Variants in LLPH observed in about 807,000 individuals in gnomAD.
The protein encoded by LLPH is LLP homolog, long-term synaptic facilitation factor.
In LLPH, 5 loss-of-function variants were observed where a neutral mutation model predicts 13.3. The observed-to-expected ratio is 0.38, with a 90% CI of 0.20 to 0.79. LLPH has a LOEUF of 0.79. LLPH is among the 30% of genes least tolerant of loss of function. LLPH has a pLI of 0.45. For missense variants in LLPH, 129 were observed against 152.1 expected (o/e 0.85, Z 0.80); for synonymous variants, 32 against 44.2 (o/e 0.72, Z 1.09).
rs774582065 is a variant in LLPH, at chr12:66,124,040, CTAT to C, written c.212-25_212-23del. 9.1e-6 allele frequency: 14 copies of C among 1,544,248 alleles called. No homozygotes were observed. The East Asian group carries it at 2.9e-4, about 32-fold the overall frequency. Reference sequence around the variant, plus strand: ...TCATCTGCATAAAAAGATGGAAAAACTATTAACACCATGTATGAAAAAAACCAC... The same window carrying C: ...TCATCTGCATAAAAAGATGGAAAAACTAACACCATGTATGAAAAAAACCAC... On this transcript the variant is annotated intron_variant, in intron 2 of 2. Coordinates refer to ENST00000266604, the MANE Select transcript of LLPH (RefSeq NM_032338.4).
In LLPH at chr12:66,118,345, A is replaced by G. The variant is rs1402544538; in HGVS notation, c.*5495T>C. 1 of 147,216 alleles carries G rather than the reference A, an allele frequency of 6.8e-6. No homozygotes were observed. Among genetic ancestry groups the G allele is most frequent in the Non-Finnish European group, 1.5e-5 (1 of 67,708 alleles). 9.1% of individuals were successfully genotyped at this position (147,216 alleles called of 1,614,324 possible). On this transcript the variant is annotated 3_prime_UTR_variant, in exon 3 of 3. Coordinates refer to ENST00000266604, the MANE Select transcript of LLPH (RefSeq NM_032338.4). Reference sequence around the variant, plus strand: ...GCCATTGTACTCCAGCCTGGGCAACAAGAGTGAAACTCCGTCTCAAAAAAA... The same window carrying G: ...GCCATTGTACTCCAGCCTGGGCAACGAGAGTGAAACTCCGTCTCAAAAAAA...
chr12:66,124,984 G>C (rs2051487276), intron 2 of LLPH, among the ~76,000 whole-genome samples: 1 of 152,148 alleles, frequency 6.6e-6, no homozygotes, highest in Non-Finnish European at 1.5e-5. Context: ...TTTGAGGCCA[G>C]GAGTTCAAGG....
rs2051469608 is a variant in LLPH at position 66,122,541 on chromosome 12, T to G, written c.*1299A>C. 1 of 152,226 alleles carries G rather than the reference T, an allele frequency of 6.6e-6. No individual in the cohort carries two copies. Among genetic ancestry groups the G allele is most frequent in the Non-Finnish European group, 1.5e-5 (1 of 68,038 alleles). 9.4% of individuals were successfully genotyped at this position (152,226 alleles called of 1,614,324 possible). On this transcript the variant is annotated 3_prime_UTR_variant, in exon 3 of 3. Transcript: ENST00000266604. ...TATGAGATGGTTAATCTGATTATAG[T>G]GAAATTCAGAGGGAATGCTAAGTTT...
chr12:66,126,242 C>T (rs1387776386), intron 2 of LLPH, among the ~76,000 whole-genome samples: 5 of 150,034 alleles, frequency 3.3e-5, no homozygotes, highest in East Asian at 2.0e-4. Flanking sequence ...GAGAATGGCG[C>T]GAACCCGGGA....
chr12:66,125,295 A>C (rs1592524957), intron 2 of LLPH, among the ~76,000 whole-genome samples: 1 of 152,332 alleles, frequency 6.6e-6, no homozygotes, highest in African/African-American at 2.4e-5. Flanking sequence ...GCAGGAAAAA[A>C]ATGGATACAG....
chr12:66,118,343 A>G lies in LLPH; in HGVS notation c.*5497T>C, dbSNP rs896798156. On this transcript the variant is annotated 3_prime_UTR_variant, in exon 3 of 3. Transcript: ENST00000266604. The stretch of plus-strand genomic sequence containing the variant: ...GCGCCATTGTACTCCAGCCTGGGCA[A>G]CAAGAGTGAAACTCCGTCTCAAAAA... 1.3e-5 allele frequency: 2 copies of G among 148,626 alleles called. No homozygotes were observed. The highest frequency in any genetic ancestry group is 5.1e-5 in the African/African-American group (2 of 39,458). 9.2% of individuals were successfully genotyped at this position (148,626 alleles called of 1,614,324 possible). A position where few individuals can be genotyped will look rare whatever the true frequency, so the allele number is the denominator to read the frequency against.
In LLPH at chr12:66,124,173, T is replaced by C. The variant is rs11837458; in HGVS notation, c.212-155A>G. 3.4e-3 allele frequency among the ~76,000 whole-genome samples: 514 copies of C among 152,372 alleles called. 1 individual carries two copies. The highest frequency in any genetic ancestry group is 0.012 in the African/African-American group (500 of 41,592). ...TTTATAAAGAATGTTGGCATGACTGTCCTTCCTTAGAATAGTAATGTTAAA... is the reference window on the plus strand; with the variant it reads ...TTTATAAAGAATGTTGGCATGACTGCCCTTCCTTAGAATAGTAATGTTAAA... On this transcript the variant is annotated intron_variant, in intron 2 of 2. Transcript: ENST00000266604.
chr12:66,129,196 A>G (rs2051517586), intron 1 of LLPH, 83 bp from the exon 2 acceptor site: 1 of 873,396 alleles, frequency 1.1e-6, no homozygotes, highest in Non-Finnish European at 1.8e-6. Context: ...AACCAGGCCA[A>G]CAGGTATCTC....
At chr12:66,124,111 G>C (rs2051481758) in intron 2 of LLPH, 93 bp from the exon 3 acceptor site, 3 of 799,310 alleles carry the variant, frequency 3.8e-6, no homozygotes, top group Non-Finnish European at 3.9e-6. Flanking sequence ...CAGAACATTA[G>C]AACTGAAGGT....
In LLPH at chr12:66,126,525, G is replaced by T. The variant is rs193125689; in HGVS notation, c.211+2371C>A. On this transcript the variant is annotated intron_variant, in intron 2 of 2. Coordinates refer to ENST00000266604, the MANE Select transcript of LLPH (RefSeq NM_032338.4). ...GCATCTGGTATCTAGAACATATAAA[G>T]AACTCTTAACAACCCGATAATAAAA... Among the ~76,000 whole-genome samples, 46 of 152,056 alleles carry T rather than the reference G, an allele frequency of 3.0e-4. No homozygotes were observed. The South Asian group carries it at 5.4e-3, about 18-fold the overall frequency.
intron 2 of LLPH, 46 bp downstream of exon 2, chr12:66,128,848 CAA>C (rs71096072): frequency 0.078 from 73,498 of 940,288 alleles, 6 homozygotes; most frequent in South Asian, 0.087. Flanking sequence ...GACCCTGCCT[CAA>C]AAAAAAAAAA....
At position 66,121,179 on chromosome 12, in the gene LLPH, T is replaced by A. The variant is rs986231899; in HGVS notation, c.*2661A>T. ...ATCAACAGAATCAAATTAGAGGTTA[T>A]CAGCCACAGAAAACATGAACATAAC... On this transcript the variant is annotated 3_prime_UTR_variant, in exon 3 of 3. Coordinates refer to ENST00000266604, the MANE Select transcript of LLPH (RefSeq NM_032338.4). 1 of 151,856 alleles carries A rather than the reference T, an allele frequency of 6.6e-6. No homozygotes were observed. Among genetic ancestry groups the A allele is most frequent in the South Asian group, 2.1e-4 (1 of 4,812 alleles). 9.4% of individuals were successfully genotyped at this position (151,856 alleles called of 1,614,324 possible).
At chr12:66,125,565 A>T (rs1295600083) in intron 2 of LLPH, among the ~76,000 whole-genome samples, 1 of 152,196 alleles carries the variant, frequency 6.6e-6, no homozygotes, top group Non-Finnish European at 1.5e-5. Context: ...TCTAAGAATA[A>T]GGGCATCCAG....
At chr12:66,130,156 G>C (rs979480693) in intron 1 of LLPH, among the ~76,000 whole-genome samples, 7 of 152,024 alleles carry the variant, frequency 4.6e-5, no homozygotes, top group Admixed American at 3.3e-4. Flanking sequence ...CTCAAGGCTT[G>C]CTCCTTCATT....
At chr12:66,124,126 C>A (rs964061607) in intron 2 of LLPH, 108 bp from the exon 3 acceptor site, 8 of 667,838 alleles carry the variant, frequency 1.2e-5, no homozygotes, top group South Asian at 4.7e-5. Flanking sequence ...GAAGGTAGAC[C>A]GAAAATAGAG....
Position 66,120,040 on chromosome 12 carries a change from T to G in LLPH, c.*3800A>C, listed in dbSNP as rs960514771. On this transcript the variant is annotated 3_prime_UTR_variant, in exon 3 of 3. Coordinates refer to ENST00000266604, the MANE Select transcript of LLPH (RefSeq NM_032338.4). ...CCACTACTTGATTCTACCTTAGAGCTTCAACTGCAGTTTGCATTTCTTCTC... is the reference window on the plus strand; with the variant it reads ...CCACTACTTGATTCTACCTTAGAGCGTCAACTGCAGTTTGCATTTCTTCTC... 2 of 152,222 alleles carry G rather than the reference T, an allele frequency of 1.3e-5. No individual in the cohort carries two copies. Among genetic ancestry groups the G allele is most frequent in the African/African-American group, 4.8e-5 (2 of 41,464 alleles). 9.4% of individuals were successfully genotyped at this position (152,222 alleles called of 1,614,324 possible).
chr12:66,125,976 C>T (rs1049077264), intron 2 of LLPH, among the ~76,000 whole-genome samples: 5 of 152,072 alleles, frequency 3.3e-5, no homozygotes, highest in Non-Finnish European at 7.4e-5. Context: ...ATTAAGAACA[C>T]AGAGTTGATG....
rs2051455224 is a variant in LLPH at position 66,120,334 on chromosome 12, T to C, written c.*3506A>G. The C allele has an allele frequency of 6.6e-6, 1 of 152,148 alleles. No homozygotes were observed. The highest frequency in any genetic ancestry group is 2.4e-5 in the African/African-American group (1 of 41,436). 9.4% of individuals were successfully genotyped at this position (152,148 alleles called of 1,614,324 possible). The stretch of plus-strand genomic sequence containing the variant: ...CTCTTAGCAAGAGTTTGCACATCCT[T>C]GAGAGGCAGAATGGCATTGTAAGAG... On this transcript the variant is annotated 3_prime_UTR_variant, in exon 3 of 3. Transcript: ENST00000266604.
At position 66,122,278 on chromosome 12, in the gene LLPH, G is replaced by C. The variant is rs2051468145; in HGVS notation, c.*1562C>G. The C allele has an allele frequency of 6.6e-6, 1 of 152,056 alleles. No homozygotes were observed. The highest frequency in any genetic ancestry group is 1.5e-5 in the Non-Finnish European group (1 of 68,016). 9.4% of individuals were successfully genotyped at this position (152,056 alleles called of 1,614,324 possible). A position where few individuals can be genotyped will look rare whatever the true frequency, so the allele number is the denominator to read the frequency against. ...ATTACAATACATGTCCATGTATTGT[G>C]CCCCAATTTAGCAGTGTGCCTGGCA... On this transcript the variant is annotated 3_prime_UTR_variant, in exon 3 of 3. Transcript: ENST00000266604.
Sources: allele counts gnomAD v4.1 joint callset (sites outside exome capture counted in the v4.1 genomes callset), GRCh38; gene constraint gnomAD v4.1.1; transcripts MANE v1.5; gene names NCBI Gene and HGNC (gene_info 2026-07-23, HGNC 2026-07-21).